EZH2: variants seen among roughly 807,000 people sequenced by gnomAD.
EZH2 encodes enhancer of zeste 2 polycomb repressive complex 2 subunit.
In EZH2, 18 loss-of-function variants were observed where a neutral mutation model predicts 98.4. The observed-to-expected ratio is 0.18, with a 90% confidence interval of 0.13 to 0.27. EZH2 has a LOEUF of 0.27. Among genes scored for constraint, EZH2 ranks in the 10% least tolerant of loss-of-function variants. The probability of loss-of-function intolerance (pLI) is 1.00; values close to 1 mark genes in which losing one functional copy is unlikely to be tolerated. For missense variants in EZH2, 470 were observed against 935.1 expected, an observed-to-expected ratio of 0.50 and a Z score of 6.49; for synonymous variants, 338 against 312.3, an observed-to-expected ratio of 1.08 and a Z score of -0.87.
intron 1 of EZH2, among the ~76,000 whole-genome samples, chr7:148,864,455 G>T (rs1397639687): frequency 6.6e-6 from 1 of 152,168 alleles, no homozygotes; most frequent in Non-Finnish European, 1.5e-5. Flanking sequence ...GGCTAAGGCA[G>T]GCAGATTGCC....
At chr7:148,826,795 T>TCACA (rs1807834397) in intron 7 of EZH2, among the ~76,000 whole-genome samples, 163 bp from the exon 8 acceptor site, 1 of 152,228 alleles carries the variant, frequency 6.6e-6, no homozygotes, top group Admixed American at 6.5e-5. Context: ...TTGTGCATGG[T>TCACA]GTTATCAAGA....
chr7:148,858,522 A>G (rs552675790), intron 1 of EZH2, among the ~76,000 whole-genome samples: 3 of 151,884 alleles, frequency 2.0e-5, no homozygotes, highest in Non-Finnish European at 4.4e-5. Flanking sequence ...ATATAATTCT[A>G]CTTTTTCAAT....
intron 3 of EZH2, among the ~76,000 whole-genome samples, chr7:148,839,566 C>A (rs1811891394): frequency 6.7e-6 from 1 of 150,058 alleles, no homozygotes. Flanking sequence ...ACAAAAAAAA[C>A]TATTTTTTTT....
chr7:148,819,373 G>A (rs1344394805), intron 9 of EZH2, among the ~76,000 whole-genome samples: 1 of 152,208 alleles, frequency 6.6e-6, no homozygotes, highest in Non-Finnish European at 1.5e-5. Flanking sequence ...AAATGTTGCT[G>A]AAGAGATAAC....
intron 1 of EZH2, among the ~76,000 whole-genome samples, chr7:148,873,557 A>ATTTTTTTTTT (rs58553084): frequency 6.3e-5 from 5 of 79,952 alleles, no homozygotes; most frequent in African/African-American, 2.0e-4. Context: ...CATGCTCTTC[A>ATTTTTTTTTT]TTTTTTTTTT....
At chr7:148,871,255 A>G (rs1819331944) in intron 1 of EZH2, among the ~76,000 whole-genome samples, 1 of 152,130 alleles carries the variant, frequency 6.6e-6, no homozygotes, top group Non-Finnish European at 1.5e-5. Context: ...GACTGTAAAA[A>G]TCGTGCAGCC....
In EZH2 at chr7:148,832,323, T is replaced by C. The variant is rs1200409582; in HGVS notation, c.363+311A>G. Among the ~76,000 whole-genome samples, 3 of 152,300 alleles carry C rather than the reference T, an allele frequency of 2.0e-5. No individual in the cohort carries two copies. The East Asian group carries it at 5.8e-4, about 29-fold the overall frequency. On this transcript the variant is annotated intron_variant, in intron 4 of 19. Coordinates refer to ENST00000320356, the MANE Select transcript of EZH2 (RefSeq NM_004456.5). ...CCAATTCCCAGACTCAAGTAATCCA[T>C]CTGCCTCAGCCTCCCAAAGTGCTGG...
chr7:148,881,949 T>C (rs1372649731), intron 1 of EZH2, among the ~76,000 whole-genome samples: 8 of 111,184 alleles, frequency 7.2e-5, no homozygotes, highest in African/African-American at 1.5e-4. Flanking sequence ...AAAAAAAACA[T>C]ATACACACAC....
intron 1 of EZH2, among the ~76,000 whole-genome samples, chr7:148,878,848 G>A (rs1820533900): frequency 6.6e-6 from 1 of 151,920 alleles, no homozygotes; most frequent in African/African-American, 2.4e-5. Flanking sequence ...GCAGTGAACT[G>A]AGATCACGCA....
chr7:148,808,050 T>C (rs1270643969), intron 19 of EZH2, among the ~76,000 whole-genome samples: 1 of 152,136 alleles, frequency 6.6e-6, no homozygotes, highest in Non-Finnish European at 1.5e-5. Context: ...GGCCTGACGC[T>C]GGGAAGGCAA....
intron 8 of EZH2, among the ~76,000 whole-genome samples, chr7:148,825,509 A>G (rs1266142270): frequency 1.3e-5 from 2 of 152,256 alleles, no homozygotes; most frequent in Non-Finnish European, 1.5e-5. Context: ...ACACATTATT[A>G]GCTGCAGCAA....
chr7:148,874,880 G>A (rs571031730), intron 1 of EZH2, among the ~76,000 whole-genome samples: 1 of 147,218 alleles, frequency 6.8e-6, no homozygotes, highest in Admixed American at 6.8e-5. Context: ...CTGGGGGACA[G>A]AGCAAGACTC....
intron 1 of EZH2, among the ~76,000 whole-genome samples, chr7:148,860,135 T>A (rs889630545): frequency 1.1e-4 from 17 of 151,968 alleles, no homozygotes; most frequent in African/African-American, 3.9e-4. Context: ...CTATATTTAA[T>A]TTGTAAATCT....
intron 3 of EZH2, among the ~76,000 whole-genome samples, chr7:148,834,358 C>CATATATAT (rs1182664076): frequency 7.9e-5 from 7 of 88,910 alleles, no homozygotes; most frequent in African/African-American, 2.8e-4. Context: ...TATATACACA[C>CATATATAT]ACACACACAC....
At chr7:148,827,906 A>C (rs1226863525) in intron 6 of EZH2, among the ~76,000 whole-genome samples, 1 of 152,240 alleles carries the variant, frequency 6.6e-6, no homozygotes, top group East Asian at 1.9e-4. Flanking sequence ...TCACGAGGTC[A>C]GGAGATAGAG....
chr7:148,832,838 C>A (rs1191151003), intron 3 of EZH2, 88 bp from the exon 4 acceptor site: 10 of 726,164 alleles, frequency 1.4e-5, no homozygotes, highest in Non-Finnish European at 2.0e-5. Context: ...TGCTGCCTAC[C>A]CAAATATTTA....
intron 1 of EZH2, among the ~76,000 whole-genome samples, chr7:148,877,631 G>A (rs1439354715): frequency 6.6e-6 from 1 of 152,130 alleles, no homozygotes; most frequent in Admixed American, 6.6e-5. Context: ...GTAGCTCAGG[G>A]ACTGGAACCC....
intron 15 of EZH2, among the ~76,000 whole-genome samples, chr7:148,813,427 C>A (rs1271828461): frequency 6.6e-6 from 1 of 151,422 alleles, no homozygotes; most frequent in Non-Finnish European, 1.5e-5. Context: ...AACTCACCTA[C>A]ATACAATTCC....
intron 1 of EZH2, among the ~76,000 whole-genome samples, chr7:148,878,001 T>A (rs919661794): frequency 6.6e-6 from 1 of 152,188 alleles, no homozygotes; most frequent in South Asian, 2.1e-4. Flanking sequence ...TCCTCCCCTG[T>A]AGACAGTTTT....
Sources: gnomAD v4.1 joint callset for allele counts (sites outside exome capture counted in the v4.1 genomes callset) on GRCh38, gnomAD v4.1.1 for gene constraint, MANE v1.5 for transcripts, NCBI Gene and HGNC (gene_info 2026-07-23, HGNC 2026-07-21) for gene names.